Variants in NCBP2L observed in about 807,000 individuals in gnomAD.
NCBP2L encodes nuclear cap binding protein subunit 2 like.
For synonymous variants in NCBP2L, 39 were observed against 19.2 expected (o/e 2.04, Z -2.70); for missense variants, 95 against 53.1 (o/e 1.79, Z -2.45).
chrX:107,791,705 A>T (rs147476547), intron 1 of NCBP2L, among the ~76,000 whole-genome samples: 1,125 of 112,389 alleles, frequency 0.01, 16 homozygotes, highest in African/African-American at 0.035. Context: ...TGATCAGAAT[A>T]TTGATACAAT....
rs1569457153 is a variant in NCBP2L at position 107,781,782 on chromosome X, C to CTATATA, written c.-73+3928_-73+3929insTATATA. On this transcript the variant is annotated intron_variant, in intron 1 of 1. Transcript: ENST00000509000. Reference sequence around the variant, plus strand: ...TCTATAGATATCTATATATATAGATCTATAGATATCTATATTTATATATAG... The same window carrying CTATATA: ...TCTATAGATATCTATATATATAGATCTATATATATAGATATCTATATTTATATATAG... Among the ~76,000 whole-genome samples, 3 of 29,385 alleles carry CTATATA rather than the reference C, an allele frequency of 1.0e-4. No homozygotes were observed. In the East Asian group the frequency reaches 1.9e-3, roughly 18 times the overall value. The allele number at this position is 29,385 out of a possible 115,157, so 25.5% of individuals were successfully genotyped here. A position where few individuals can be genotyped will look rare whatever the true frequency, so the allele number is the denominator to read the frequency against.
intron 1 of NCBP2L, among the ~76,000 whole-genome samples, chrX:107,791,894 A>G (rs1930456391): frequency 8.9e-6 from 1 of 112,061 alleles, no homozygotes; most frequent in Non-Finnish European, 1.9e-5. Context: ...TAAATGGTGA[A>G]GTTGAGATTT....
chrX:107,783,375 T>TTTA (rs1556345959), intron 1 of NCBP2L, among the ~76,000 whole-genome samples: 3 of 87,551 alleles, frequency 3.4e-5, no homozygotes, highest in African/African-American at 1.3e-4. Context: ...TTTTTTTTTT[T>TTTA]TTTTATTTTT....
In NCBP2L at chrX:107,792,993, A is replaced by T. The variant is rs144340942; in HGVS notation, c.-72-1156A>T. Among the ~76,000 whole-genome samples the T allele has an allele frequency of 1.0e-2, 1,119 of 112,393 alleles. 6 individuals carry two copies. The highest frequency in any genetic ancestry group is 0.015 in the Non-Finnish European group (823 of 53,257). ...TTCATTCATCCAGTCATTAACAAAT[A>T]TTTATTGTGTGTCTAAGGTGTACAA... On this transcript the variant is annotated intron_variant, in intron 1 of 1. Transcript: ENST00000509000.
Position 107,794,871 on chromosome X carries a change from C to T in NCBP2L, c.*189C>T. 3 of 361,863 alleles carry T rather than the reference C, an allele frequency of 8.3e-6. No homozygotes were observed. The highest frequency in any genetic ancestry group is 1.5e-5 in the Non-Finnish European group (3 of 206,125). The allele number at this position is 361,863 out of a possible 1,213,427, so 29.8% of individuals were successfully genotyped here. A position where few individuals can be genotyped will look rare whatever the true frequency, so the allele number is the denominator to read the frequency against. The stretch of plus-strand genomic sequence containing the variant: ...TGTTTTTGTCTGAATTTTGAAGATG[C>T]TTTTCAGATTACCAGTTTGACTGTT... On this transcript the variant is annotated 3_prime_UTR_variant, in exon 2 of 2. Transcript: ENST00000509000.
chrX:107,791,253 T>TC (rs1173807624), intron 1 of NCBP2L, among the ~76,000 whole-genome samples: 1 of 111,018 alleles, frequency 9.0e-6, no homozygotes, highest in East Asian at 2.8e-4. Flanking sequence ...ATTTATACTT[T>TC]TTTTTTTTTC....
chrX:107,783,382 T>TTTTA, intron 1 of NCBP2L, among the ~76,000 whole-genome samples: 1 of 98,429 alleles, frequency 1.0e-5, no homozygotes, highest in African/African-American at 3.7e-5. Flanking sequence ...TTTTTTTTAT[T>TTTTA]TTTTATTTTA....
chrX:107,782,504 A>G (rs1314586094), intron 1 of NCBP2L, among the ~76,000 whole-genome samples: 1 of 97,694 alleles, frequency 1.0e-5, no homozygotes, highest in Non-Finnish European at 2.0e-5. Flanking sequence ...AGCAAATTTC[A>G]AGTGAACAAT....
rs142661864 is a variant in NCBP2L at position 107,778,582 on chromosome X, T to A, written c.-73+724T>A. 2.3e-4 allele frequency among the ~76,000 whole-genome samples: 26 copies of A among 112,834 alleles called. No homozygotes were observed. The East Asian group carries it at 7.2e-3, about 31-fold the overall frequency. ...GCTGACTGGGCAGGGCCACCTTGGC[T>A]CCCTTCTGTGAAGCCTTGCTTTGCT... On this transcript the variant is annotated intron_variant, in intron 1 of 1. Coordinates refer to ENST00000509000, the MANE Select transcript of NCBP2L (RefSeq NM_001348372.2).
chrX:107,794,803 T>C lies in NCBP2L; in HGVS notation c.*121T>C. ...TACCTTACTTGTTGATGTATTTTTT[T>C]CTCTGAAAATTTGTTAAATAGCAGA... On this transcript the variant is annotated 3_prime_UTR_variant, in exon 2 of 2. Coordinates refer to ENST00000509000, the MANE Select transcript of NCBP2L (RefSeq NM_001348372.2). 2.5e-6 allele frequency: 1 copy of C among 399,669 alleles called. No individual in the cohort carries two copies. Among genetic ancestry groups the C allele is most frequent in the South Asian group, 5.6e-5 (1 of 17,761 alleles). The allele number at this position is 399,669 out of a possible 1,213,427, so 32.9% of individuals were successfully genotyped here.
intron 1 of NCBP2L, among the ~76,000 whole-genome samples, chrX:107,788,241 G>A (rs958249818): frequency 9.0e-6 from 1 of 111,566 alleles, no homozygotes; most frequent in Non-Finnish European, 1.9e-5. Flanking sequence ...GTTAACCTTG[G>A]GGGTGACCCT....
intron 1 of NCBP2L, among the ~76,000 whole-genome samples, chrX:107,792,090 A>G (rs952768359): frequency 9.8e-5 from 11 of 112,427 alleles, no homozygotes; most frequent in African/African-American, 3.6e-4. Context: ...CAAACAAGAC[A>G]TGGCCAATAA....
In NCBP2L at chrX:107,795,508, C is replaced by A. The variant is rs1465744983; in HGVS notation, c.*826C>A. ...AGAAACCATGCTTCAGGTACCCATA[C>A]AACTATTTCGTTTTTGACTTTCAGT... On this transcript the variant is annotated 3_prime_UTR_variant, in exon 2 of 2. Transcript: ENST00000509000. 1 of 112,093 alleles carries A rather than the reference C, an allele frequency of 8.9e-6. No individual in the cohort carries two copies. The highest frequency in any genetic ancestry group is 3.2e-5 in the African/African-American group (1 of 30,826). The allele number at this position is 112,093 out of a possible 1,213,427, so 9.2% of individuals were successfully genotyped here. A position where few individuals can be genotyped will look rare whatever the true frequency, so the allele number is the denominator to read the frequency against.
In NCBP2L at chrX:107,781,676, A is replaced by ATCTATCTATCTATCTATC. The variant is rs1380779020; in HGVS notation, c.-73+3821_-73+3822insATCTATCTATCTATCTCT. 3.9e-4 allele frequency among the ~76,000 whole-genome samples: 22 copies of ATCTATCTATCTATCTATC among 55,885 alleles called. 1 individual carries two copies. Among genetic ancestry groups the ATCTATCTATCTATCTATC allele is most frequent in the African/African-American group, 2.3e-3 (20 of 8,821 alleles). The allele number at this position is 55,885 out of a possible 115,157, so 48.5% of individuals were successfully genotyped here. ...CATCTATCTATCTATCTATCTATCT[A>ATCTATCTATCTATCTATC]TCTCTCTCTCTCTCTCTATATATAT... On this transcript the variant is annotated intron_variant, in intron 1 of 1. Coordinates refer to ENST00000509000, the MANE Select transcript of NCBP2L (RefSeq NM_001348372.2).
At chrX:107,785,090 AAG>A (rs1455451510) in intron 1 of NCBP2L, among the ~76,000 whole-genome samples, 2 of 111,361 alleles carry the variant, frequency 1.8e-5, no homozygotes, top group Non-Finnish European at 3.8e-5. Context: ...GAAAGAAAGA[AAG>A]AGAAAAAAAT....
At chrX:107,781,688 C>CTA (rs1359564369) in intron 1 of NCBP2L, among the ~76,000 whole-genome samples, 1 of 60,760 alleles carries the variant, frequency 1.6e-5, no homozygotes, top group Non-Finnish European at 2.7e-5. Context: ...CTCTCTCTCT[C>CTA]TCTCTATATA....
At chrX:107,791,314 A>T (rs1223905780) in intron 1 of NCBP2L, among the ~76,000 whole-genome samples, 1 of 110,322 alleles carries the variant, frequency 9.1e-6, no homozygotes, top group East Asian at 2.8e-4. Flanking sequence ...TGGCACAATT[A>T]TGGCTCACTT....
At chrX:107,784,660 C>G (rs987520150) in intron 1 of NCBP2L, among the ~76,000 whole-genome samples, 3 of 109,253 alleles carry the variant, frequency 2.7e-5, no homozygotes, top group Non-Finnish European at 3.8e-5. Flanking sequence ...GTTGTGGTCT[C>G]CACAAAGCAT....
At chrX:107,790,118 T>C (rs779082613) in intron 1 of NCBP2L, among the ~76,000 whole-genome samples, 1 of 110,846 alleles carries the variant, frequency 9.0e-6, no homozygotes, top group African/African-American at 3.3e-5. Context: ...GACCTCTATC[T>C]ACACAGTTGA....
Sources: gnomAD v4.1 joint callset for allele counts (sites outside exome capture counted in the v4.1 genomes callset) on GRCh38, gnomAD v4.1.1 for gene constraint, MANE v1.5 for transcripts, NCBI Gene and HGNC (gene_info 2026-07-23, HGNC 2026-07-21) for gene names.